Variants in POU6F2 observed in about 807,000 individuals in gnomAD.
POU6F2 encodes the protein POU class 6 homeobox 2.
In POU6F2, 31 loss-of-function variants were observed where a neutral mutation model predicts 71.3. That is an observed-to-expected ratio of 0.43 (90% CI 0.33 to 0.59). The LOEUF is 0.59. POU6F2 is among the 20% of genes least tolerant of loss of function. POU6F2 has a pLI of 0.04. For missense variants in POU6F2, 783 were observed against 856.8 expected (o/e 0.91, Z 1.07); for synonymous variants, 347 against 355.7 (o/e 0.98, Z 0.27).
intron 5 of POU6F2, chr7:39,373,437 C>G (rs1786652889): frequency 2.2e-6 from 1 of 456,532 alleles, no homozygotes. Flanking sequence ...TGTTCTGTAG[C>G]CCAGCAATCA....
rs183986183 is a variant in POU6F2, at chr7:39,147,239, A to C, written c.278-56996A>C. On this transcript the variant is annotated intron_variant, in intron 2 of 9. Coordinates refer to ENST00000518318, the MANE Select transcript of POU6F2 (RefSeq NM_001370959.1). ...CAAAAGTAATTGGGGTGTTTGCCAC[A>C]CTTTTAATGGCAAAAACCACAATTA... Among the ~76,000 whole-genome samples the C allele has an allele frequency of 2.6e-5, 4 of 152,302 alleles. No individual in the cohort carries two copies. In the East Asian group the frequency reaches 7.7e-4, roughly 29 times the overall value.
intron 2 of POU6F2, among the ~76,000 whole-genome samples, chr7:39,167,046 C>T (rs1259116944): frequency 6.6e-6 from 1 of 152,150 alleles, no homozygotes; most frequent in Non-Finnish European, 1.5e-5. Flanking sequence ...ACACCCCATT[C>T]TCCAGCAAAC....
intron 4 of POU6F2, among the ~76,000 whole-genome samples, chr7:39,335,697 T>A (rs1785756827): frequency 7.9e-5 from 12 of 152,218 alleles, no homozygotes; most frequent in Admixed American, 7.2e-4. Context: ...AGCTAATTCA[T>A]CATATTAAAT....
intron 6 of POU6F2, among the ~76,000 whole-genome samples, chr7:39,431,778 T>C (rs2237387): frequency 0.034 from 5,219 of 152,300 alleles, 250 homozygotes; most frequent in African/African-American, 0.11. Context: ...ATGACAAATA[T>C]TACTTCACAG....
chr7:39,326,445 T>C (rs1337897953), intron 4 of POU6F2, among the ~76,000 whole-genome samples: 1 of 152,258 alleles, frequency 6.6e-6, no homozygotes, highest in East Asian at 1.9e-4. Flanking sequence ...TCCCATCTGC[T>C]GAGCAAACAG....
intron 1 of POU6F2, among the ~76,000 whole-genome samples, chr7:39,047,739 A>G (rs1790320308): frequency 6.6e-6 from 1 of 151,898 alleles, no homozygotes; most frequent in Non-Finnish European, 1.5e-5. Flanking sequence ...GATTCCATTT[A>G]AAATTTTTTA....
intron 4 of POU6F2, among the ~76,000 whole-genome samples, chr7:39,253,311 G>C (rs1783962268): frequency 6.6e-6 from 1 of 152,234 alleles, no homozygotes; most frequent in Non-Finnish European, 1.5e-5. Context: ...GAGAGGACCT[G>C]TGTGCTCACA....
chr7:39,023,248 TATGTA>T, intron 1 of POU6F2, among the ~76,000 whole-genome samples: 1 of 152,204 alleles, frequency 6.6e-6, no homozygotes, highest in South Asian at 2.1e-4. Context: ...TTATTGGATA[TATGTA>T]TTGTGGATAT....
chr7:39,266,315 C>T (rs1431148573), intron 4 of POU6F2, among the ~76,000 whole-genome samples: 2 of 152,192 alleles, frequency 1.3e-5, no homozygotes. Context: ...AAGAAGGGTT[C>T]AGGGTCAACA....
rs1791179089 is a variant in POU6F2, at chr7:39,083,823, G to C, written c.106-2037G>C. On this transcript the variant is annotated intron_variant, in intron 1 of 9. Coordinates refer to ENST00000518318, the MANE Select transcript of POU6F2 (RefSeq NM_001370959.1). Reference sequence around the variant, plus strand: ...TCAAGGTAGGTATCACCATTTCTGAGGGGGGAAAACAATGGAGAAATGTTT... The same window carrying C: ...TCAAGGTAGGTATCACCATTTCTGACGGGGGAAAACAATGGAGAAATGTTT... 3 of 152,096 alleles carry C rather than the reference G, an allele frequency of 2.0e-5. No homozygotes were observed. In the South Asian group the frequency reaches 6.2e-4, roughly 32 times the overall value. 9.4% of individuals were successfully genotyped at this position (152,096 alleles called of 1,614,324 possible). A position where few individuals can be genotyped will look rare whatever the true frequency, so the allele number is the denominator to read the frequency against.
intron 7 of POU6F2, among the ~76,000 whole-genome samples, chr7:39,435,569 T>G (rs1239278508): frequency 6.6e-6 from 1 of 152,254 alleles, no homozygotes; most frequent in Non-Finnish European, 1.5e-5. Flanking sequence ...TTTCTCCCAT[T>G]CTGTAGGTTG....
intron 4 of POU6F2, among the ~76,000 whole-genome samples, chr7:39,225,632 G>C (rs941961392): frequency 6.6e-6 from 1 of 152,112 alleles, no homozygotes; most frequent in African/African-American, 2.4e-5. Context: ...TTCCCATGAA[G>C]GGAAAAATTC....
At chr7:39,256,879 G>A (rs989695320) in intron 4 of POU6F2, among the ~76,000 whole-genome samples, 30 of 152,148 alleles carry the variant, frequency 2.0e-4, no homozygotes, top group Non-Finnish European at 1.0e-4. Flanking sequence ...TAGCCCAGCC[G>A]ACACTTGATG....
At chr7:38,998,839 T>TA (rs34862573) in intron 1 of POU6F2, among the ~76,000 whole-genome samples, 1 of 95,342 alleles carries the variant, frequency 1.0e-5, no homozygotes, top group Non-Finnish European at 2.5e-5. Flanking sequence ...TTTTTTTTTT[T>TA]ATTTTCAGTA....
intron 2 of POU6F2, among the ~76,000 whole-genome samples, chr7:39,174,803 T>G (rs190488236): frequency 1.3e-5 from 2 of 152,270 alleles, no homozygotes; most frequent in Admixed American, 1.3e-4. Context: ...GATCTCTCTC[T>G]TCTCTGTCAT....
intron 1 of POU6F2, among the ~76,000 whole-genome samples, chr7:39,060,324 G>A (rs1790629051): frequency 1.3e-5 from 2 of 152,132 alleles, no homozygotes; most frequent in Admixed American, 1.3e-4. Context: ...TCTTAGGGCT[G>A]GGGTATGAGA....
chr7:39,090,155 A>C (rs1025759500), intron 2 of POU6F2, among the ~76,000 whole-genome samples: 1 of 152,082 alleles, frequency 6.6e-6, no homozygotes, highest in Non-Finnish European at 1.5e-5. Flanking sequence ...TTTCAATGCC[A>C]TTTATCTGTG....
At chr7:39,276,150 C>T (rs1392756293) in intron 4 of POU6F2, among the ~76,000 whole-genome samples, 1 of 151,898 alleles carries the variant, frequency 6.6e-6, no homozygotes, top group Admixed American at 6.6e-5. Flanking sequence ...GCAACCTACT[C>T]ATCTGACAAA....
chr7:39,453,299 C>A (rs539629897), intron 8 of POU6F2, among the ~76,000 whole-genome samples: 12 of 151,928 alleles, frequency 7.9e-5, no homozygotes, highest in Non-Finnish European at 1.6e-4. Context: ...GCCAGATTTC[C>A]CCTAATTAAA....
Sources: gnomAD v4.1 joint callset for allele counts (sites outside exome capture counted in the v4.1 genomes callset) on GRCh38, gnomAD v4.1.1 for gene constraint, MANE v1.5 for transcripts, NCBI Gene and HGNC (gene_info 2026-07-23, HGNC 2026-07-21) for gene names.